Variants in PPP1R12A observed in about 807,000 individuals in gnomAD.
The protein encoded by PPP1R12A is protein phosphatase 1 regulatory subunit 12A, also known as myosin binding subunit.
PPP1R12A carries 19 observed loss-of-function variants against 139.6 expected under a neutral mutation model. The ratio of observed to expected loss-of-function variants is 0.14; its 90% CI spans 0.09 to 0.20. The LOEUF is 0.20. Ranked by LOEUF, PPP1R12A falls within the 10% of genes least tolerant of loss-of-function variation. PPP1R12A has a pLI of 1.00. For synonymous variants in PPP1R12A, 427 were observed against 420.6 expected, an observed-to-expected ratio of 1.02 and a Z score of -0.19; for missense variants, 925 against 1,211.5, an observed-to-expected ratio of 0.76 and a Z score of 3.51.
chr12:79,908,032 G>C (rs964489890), intron 1 of PPP1R12A, among the ~76,000 whole-genome samples: 1 of 152,106 alleles, frequency 6.6e-6, no homozygotes, highest in African/African-American at 2.4e-5. Context: ...AAATCAGACG[G>C]CTTGCTACAT....
intron 18 of PPP1R12A, among the ~76,000 whole-genome samples, chr12:79,794,352 A>G (rs1565742181): frequency 6.6e-6 from 1 of 152,080 alleles, no homozygotes; most frequent in Non-Finnish European, 1.5e-5. Flanking sequence ...TGTCCACAGC[A>G]TGGACAATGC....
At chr12:79,846,440 T>C (rs986136689) in intron 2 of PPP1R12A, among the ~76,000 whole-genome samples, 10 of 151,810 alleles carry the variant, frequency 6.6e-5, no homozygotes, top group African/African-American at 2.4e-4. Context: ...TTTCTCTCTG[T>C]TTTTTTTGAG....
At position 79,793,843 on chromosome 12, in the gene PPP1R12A, C is replaced by T; in HGVS notation, c.2649+20G>A. The stretch of plus-strand genomic sequence containing the variant: ...TAAAAAATATGAATACTTCTCAATA[C>T]AAAAAGTAATGGTATTTACCTGAGT... On this transcript the variant is annotated intron_variant, in intron 19 of 24. Coordinates refer to ENST00000450142, the MANE Select transcript of PPP1R12A (RefSeq NM_002480.3). 1 of 1,531,286 alleles carries T rather than the reference C, an allele frequency of 6.5e-7. No individual in the cohort carries two copies. The highest frequency in any genetic ancestry group is 8.9e-7 in the Non-Finnish European group (1 of 1,123,918). 94.9% of individuals were successfully genotyped at this position (1,531,286 alleles called of 1,614,324 possible).
intron 2 of PPP1R12A, among the ~76,000 whole-genome samples, chr12:79,860,551 T>G (rs1034703974): frequency 1.3e-5 from 2 of 152,174 alleles, no homozygotes; most frequent in Non-Finnish European, 2.9e-5. Context: ...CTATCATTTA[T>G]TACAAAAGAT....
At chr12:79,832,751 TTG>T (rs1265771124) in intron 3 of PPP1R12A, among the ~76,000 whole-genome samples, 14 of 152,040 alleles carry the variant, frequency 9.2e-5, no homozygotes, top group African/African-American at 3.4e-4. Context: ...ATTATTCTTC[TTG>T]TTTTTTAAAA....
rs551494121 is a variant in PPP1R12A at position 79,809,737 on chromosome 12, G to A, written c.1455+58C>T. The stretch of plus-strand genomic sequence containing the variant: ...TAGCAGAAAATCTACCAGATTTGAT[G>A]TTCCTGGAAAAGAAATCATAACAGT... On this transcript the variant is annotated intron_variant, in intron 10 of 24. Transcript: ENST00000450142. 8.8e-5 allele frequency: 121 copies of A among 1,369,598 alleles called. 1 individual carries two copies. The African/African-American group carries it at 1.5e-3, about 18-fold the overall frequency. The allele number at this position is 1,369,598 out of a possible 1,614,324, so 84.8% of individuals were successfully genotyped here.
At chr12:79,793,992 T>A (rs984880972) in intron 18 of PPP1R12A, 64 bp from the exon 19 acceptor site, 4 of 1,257,642 alleles carry the variant, frequency 3.2e-6, no homozygotes, top group Admixed American at 2.6e-5. Context: ...ATTTATTTTT[T>A]AAAATTATTT....
intron 1 of PPP1R12A, among the ~76,000 whole-genome samples, chr12:79,875,871 AG>A (rs1208085200): frequency 6.6e-6 from 1 of 152,210 alleles, no homozygotes; most frequent in African/African-American, 2.4e-5. Context: ...TAACCACCAA[AG>A]GAAGTTCCTG....
chr12:79,911,569 C>G (rs1886567259), intron 1 of PPP1R12A, among the ~76,000 whole-genome samples: 1 of 152,094 alleles, frequency 6.6e-6, no homozygotes, highest in Middle Eastern at 3.2e-3. Flanking sequence ...ATATAACAAA[C>G]CTGCTCATGT....
chr12:79,871,925 T>C (rs1882614475), intron 2 of PPP1R12A, among the ~76,000 whole-genome samples: 1 of 152,140 alleles, frequency 6.6e-6, no homozygotes, highest in South Asian at 2.1e-4. Flanking sequence ...TATGGAAAGA[T>C]GTCGTATAGT....
intron 1 of PPP1R12A, among the ~76,000 whole-genome samples, chr12:79,888,419 T>A (rs1435551218): frequency 6.6e-6 from 1 of 152,040 alleles, no homozygotes; most frequent in Non-Finnish European, 1.5e-5. Context: ...AAGCAGCATG[T>A]GTAAAAAGTG....
intron 18 of PPP1R12A, 22 bp from the exon 19 acceptor site, chr12:79,793,950 A>C (rs777243491): frequency 2.4e-5 from 37 of 1,524,370 alleles, no homozygotes; most frequent in Non-Finnish European, 2.9e-5. Context: ...TTGCCAATTT[A>C]TATTTTAGGA....
intron 1 of PPP1R12A, among the ~76,000 whole-genome samples, chr12:79,930,944 T>C (rs1001720367): frequency 6.6e-6 from 1 of 152,178 alleles, no homozygotes; most frequent in African/African-American, 2.4e-5. Flanking sequence ...ATGTTTAACT[T>C]GATTCTAAAG....
intron 2 of PPP1R12A, among the ~76,000 whole-genome samples, chr12:79,858,008 C>A (rs1880885717): frequency 6.6e-6 from 1 of 151,962 alleles, no homozygotes; most frequent in African/African-American, 2.4e-5. Context: ...ATATAAATAC[C>A]CCAAATAAAA....
At position 79,822,196 on chromosome 12, in the gene PPP1R12A, T is replaced by A; in HGVS notation, c.793-6A>T. The A allele has an allele frequency of 1.3e-6, 2 of 1,577,384 alleles. No homozygotes were observed. Among genetic ancestry groups the A allele is most frequent in the Non-Finnish European group, 1.7e-6 (2 of 1,155,918 alleles). ...ACATCAAAGGCTGTTTGGCCCTACG[T>A]AGGAAACAAGGGGGGATGGTGATGG... is the stretch of plus-strand genomic sequence containing the variant. On this transcript the variant is annotated splice_polypyrimidine_tract_variant and splice_region_variant and intron_variant, in intron 5 of 24. Coordinates refer to ENST00000450142, the MANE Select transcript of PPP1R12A (RefSeq NM_002480.3).
intron 1 of PPP1R12A, among the ~76,000 whole-genome samples, chr12:79,900,706 C>T (rs1319229545): frequency 6.6e-6 from 1 of 152,040 alleles, no homozygotes; most frequent in East Asian, 1.9e-4. Flanking sequence ...GGTGTATACA[C>T]AACGAATTTT....
intron 19 of PPP1R12A, 22 bp downstream of exon 19, chr12:79,793,841 T>C (rs377101263): frequency 6.6e-7 from 1 of 1,522,796 alleles, no homozygotes; most frequent in African/African-American, 1.4e-5. Context: ...TACTTCTCAA[T>C]ACAAAAAGTA....
intron 9 of PPP1R12A, among the ~76,000 whole-genome samples, chr12:79,816,477 G>A (rs1875401875): frequency 1.3e-5 from 2 of 152,002 alleles, no homozygotes; most frequent in African/African-American, 4.8e-5. Context: ...GACGGGTGAA[G>A]AGAAATCTTT....
intron 1 of PPP1R12A, among the ~76,000 whole-genome samples, chr12:79,879,076 G>A (rs769013578): frequency 1.3e-5 from 2 of 152,034 alleles, no homozygotes; most frequent in Admixed American, 6.6e-5. Context: ...AGCATTAAAC[G>A]GTAATGTGGA....
Sources: allele counts gnomAD v4.1 joint callset (sites outside exome capture counted in the v4.1 genomes callset), GRCh38; gene constraint gnomAD v4.1.1; transcripts MANE v1.5; gene names NCBI Gene and HGNC (gene_info 2026-07-23, HGNC 2026-07-21).